The following USP34 variants were observed in gnomAD, a reference collection of about 807,000 sequenced individuals.
USP34 encodes the protein ubiquitin carboxyl-terminal hydrolase 34.
A neutral mutation model predicts 460.3 loss-of-function variants in USP34; 70 were observed. The ratio of observed to expected loss-of-function variants is 0.15; its 90% CI spans 0.13 to 0.19. USP34 has a LOEUF of 0.19. Ranked by LOEUF, USP34 falls within the 10% of genes least tolerant of loss-of-function variation. The pLI is 1.00. For missense variants in USP34, 3,985 were observed against 4,236.2 expected (o/e 0.94, Z 1.65); for synonymous variants, 1,647 against 1,405.3 (o/e 1.17, Z -3.85).
At chr2:61,229,806 T>C (rs547460229) in intron 58 of USP34, among the ~76,000 whole-genome samples, 173 bp from the exon 59 acceptor site, 4 of 152,268 alleles carry the variant, frequency 2.6e-5, no homozygotes, top group East Asian at 3.9e-4. Flanking sequence ...GAGGCAAAGG[T>C]AGCATTAAAA....
In USP34 at chr2:61,345,196, C is replaced by T. The variant is rs113859678; in HGVS notation, c.2286-1167G>A. Among the ~76,000 whole-genome samples the T allele has an allele frequency of 3.0e-3, 457 of 151,932 alleles. 3 individuals carry two copies. Among genetic ancestry groups the T allele is most frequent in the South Asian group, 0.014 (67 of 4,808 alleles). ...GGCTGAGGCAGGAGAACCACTTGAA[C>T]CCAAAAGGTGGAGGCTGCAGTGAGC... On this transcript the variant is annotated intron_variant, in intron 15 of 79. Transcript: ENST00000398571.
At chr2:61,210,593 C>G (rs1327867138) in intron 69 of USP34, among the ~76,000 whole-genome samples, 1 of 152,228 alleles carries the variant, frequency 6.6e-6, no homozygotes, top group Non-Finnish European at 1.5e-5. Context: ...ATTACTCACA[C>G]AGCTATATTA....
intron 48 of USP34, chr2:61,249,984 A>T (rs1688531477): frequency 6.1e-6 from 1 of 163,238 alleles, no homozygotes; most frequent in African/African-American, 2.4e-5. Flanking sequence ...GCGGTGGCTC[A>T]CGCCTGTAAT....
chr2:61,241,018 C>T (rs1688241046), intron 53 of USP34, among the ~76,000 whole-genome samples: 1 of 152,016 alleles, frequency 6.6e-6, no homozygotes, highest in Admixed American at 6.6e-5. Flanking sequence ...ATTGTTAAGT[C>T]ACTCTGATTC....
At chr2:61,365,731 C>G (rs1346278237) in intron 10 of USP34, among the ~76,000 whole-genome samples, 1 of 151,878 alleles carries the variant, frequency 6.6e-6, no homozygotes, top group Non-Finnish European at 1.5e-5. Context: ...AGTATATAAT[C>G]TAAATGTTAT....
chr2:61,380,935 A>C (rs2103863834), intron 6 of USP34, among the ~76,000 whole-genome samples: 1 of 152,334 alleles, frequency 6.6e-6, no homozygotes, highest in East Asian at 1.9e-4. Context: ...CAATCACAGA[A>C]TGTGGGAACA....
intron 27 of USP34, among the ~76,000 whole-genome samples, chr2:61,303,402 CTTGA>C (rs1690291140): frequency 6.6e-6 from 1 of 151,950 alleles, no homozygotes; most frequent in Admixed American, 6.6e-5. Flanking sequence ...CTATTATATA[CTTGA>C]TTTAGTGTCC....
Position 61,203,224 on chromosome 2 carries a change from A to G in USP34, c.9424T>C (p.Phe3142Leu). The G allele has an allele frequency of 6.2e-7, 1 of 1,603,326 alleles. No individual in the cohort carries two copies. Residue 3142 changes from phenylalanine (F) to leucine (L), a missense_variant, in exon 75 of 80, where the codon TTC becomes CTC. Phe to Leu is a conservative substitution (Grantham distance 22). This residue lies in a region of USP34 where 28 missense variants were observed against 36.8 expected (regional missense o/e 0.76). Transcript: ENST00000398571. ...TGGATGAACTGATGATAAGAAAAGA[A>G]GTAGTCTAGCAGCATACGATCATAA... Reference protein sequence around the residue: ...DVYDRMLLDYFFSYHQFIHLL... With the variant: ...DVYDRMLLDYLFSYHQFIHLL...
chr2:61,274,728 GA>G (rs1412006026), intron 41 of USP34, among the ~76,000 whole-genome samples: 1 of 152,136 alleles, frequency 6.6e-6, no homozygotes, highest in African/African-American at 2.4e-5. Flanking sequence ...TGGAAAATTG[GA>G]AATTAATCTC....
Position 61,263,173 on chromosome 2 carries a change from A to ATTTT in USP34, c.5778+2220_5778+2223dup, listed in dbSNP as rs36015748. On this transcript the variant is annotated intron_variant, in intron 43 of 79. Transcript: ENST00000398571. ...ACAGGCACGCACCACCACACATGGAATTTTTTTTTTTTTTTTTTTTTTTTT... is the reference window on the plus strand; with the variant it reads ...ACAGGCACGCACCACCACACATGGAATTTTTTTTTTTTTTTTTTTTTTTTTTTTT... 2.0e-3 allele frequency among the ~76,000 whole-genome samples: 193 copies of ATTTT among 97,744 alleles called. 1 individual carries two copies. The highest frequency in any genetic ancestry group is 2.3e-3 in the Non-Finnish European group (116 of 51,202). 64.1% of individuals were successfully genotyped at this position (97,744 alleles called of 152,430 possible). A position where few individuals can be genotyped will look rare whatever the true frequency, so the allele number is the denominator to read the frequency against.
chr2:61,292,336 C>A (rs1199631759), intron 33 of USP34, among the ~76,000 whole-genome samples: 1 of 152,028 alleles, frequency 6.6e-6, no homozygotes, highest in African/African-American at 2.4e-5. Context: ...ACCAGTTGAC[C>A]TGAAAGCAAT....
chr2:61,468,675 C>A (rs1454128349), intron 1 of USP34, among the ~76,000 whole-genome samples: 1 of 152,176 alleles, frequency 6.6e-6, no homozygotes, highest in Admixed American at 6.5e-5. Context: ...TTTTGAGAAG[C>A]TGGTTGAACT....
In USP34 at chr2:61,296,942, A is replaced by G. The variant is rs1218397547; in HGVS notation, c.4129-17T>C. On this transcript the variant is annotated splice_polypyrimidine_tract_variant and intron_variant, in intron 29 of 79. Coordinates refer to ENST00000398571, the MANE Select transcript of USP34 (RefSeq NM_014709.4). ...TCGTAAGCTCTACACAAATAAGAACAACTACTTTATCAAAACAGATCAGAA... is the reference window on the plus strand; with the variant it reads ...TCGTAAGCTCTACACAAATAAGAACGACTACTTTATCAAAACAGATCAGAA... The G allele has an allele frequency of 1.9e-6, 3 of 1,600,854 alleles. No homozygotes were observed. The African/African-American group carries it at 4.0e-5, about 22-fold the overall frequency.
At chr2:61,427,700 G>A (rs1270614797) in intron 1 of USP34, among the ~76,000 whole-genome samples, 1 of 152,194 alleles carries the variant, frequency 6.6e-6, no homozygotes, top group Non-Finnish European at 1.5e-5. Flanking sequence ...GCATACTAAA[G>A]AATGTATTAG....
chr2:61,328,654 A>T (rs1572939406), intron 20 of USP34, among the ~76,000 whole-genome samples: 1 of 152,304 alleles, frequency 6.6e-6, no homozygotes, highest in African/African-American at 2.4e-5. Flanking sequence ...CTAAAAACAC[A>T]TCTCCAAGGA....
At chr2:61,242,462 C>CAA (rs1256837782) in intron 51 of USP34, among the ~76,000 whole-genome samples, 4 of 58,282 alleles carry the variant, frequency 6.9e-5, no homozygotes, top group Non-Finnish European at 1.6e-4. Context: ...AATACATACA[C>CAA]ACACACACAC....
At chr2:61,277,957 T>C (rs1336680310) in intron 41 of USP34, 2 of 569,332 alleles carry the variant, frequency 3.5e-6, no homozygotes, top group African/African-American at 3.8e-5. Flanking sequence ...TGCGACTTGC[T>C]CGGACTTGCC....
At chr2:61,370,286 C>G (rs1692579480) in intron 10 of USP34, 35 bp downstream of exon 10, 1 of 1,594,642 alleles carries the variant, frequency 6.3e-7, no homozygotes, top group South Asian at 1.1e-5. Flanking sequence ...ATATGATAAG[C>G]AAAGCACTCA....
At chr2:61,305,631 A>G (rs942312548) in intron 27 of USP34, among the ~76,000 whole-genome samples, 2 of 152,164 alleles carry the variant, frequency 1.3e-5, no homozygotes, top group African/African-American at 2.4e-5. Context: ...GAAGCACTAT[A>G]TAATTGCTAA....
Sources: gnomAD v4.1 joint callset for allele counts (sites outside exome capture counted in the v4.1 genomes callset) on GRCh38, gnomAD v4.1.1 for gene constraint, gnomAD v4.1.1 regional missense constraint, MANE v1.5 for transcripts, NCBI Gene and HGNC (gene_info 2026-07-23, HGNC 2026-07-21) for gene names.